Variants in ACYP2 observed in about 807,000 individuals in gnomAD.
ACYP2 encodes acylphosphatase 2, also known as acylphosphatase-2.
ACYP2 carries 12 observed loss-of-function variants against 11.2 expected under a neutral mutation model. That is an observed-to-expected ratio of 1.08 (90% CI 0.69 to 1.74). ACYP2 has a LOEUF of 1.74. Ranked by LOEUF, ACYP2 falls within the 40% of genes most tolerant of loss-of-function variation. ACYP2 has a pLI of 0.00. For missense variants in ACYP2, 134 were observed against 101.9 expected (o/e 1.31, Z -1.35); for synonymous variants, 43 against 32.2 (o/e 1.33, Z -1.13).
Position 54,279,576 on chromosome 2 carries a change from GGCAGGATCCAGAGCT to G in ACYP2, c.405-25107_405-25093del, listed in dbSNP as rs541602089. On this transcript the variant is annotated intron_variant, in intron 6 of 6. Transcript: ENST00000607452. ...CAACAGAATTCCCAGAACCCCCAGT[GGCAGGATCCAGAGCT>G]GCAGTCTCAAGAGCTGCAGTCTCTA... is the stretch of plus-strand genomic sequence containing the variant. Among the ~76,000 whole-genome samples the G allele has an allele frequency of 6.6e-5, 10 of 150,854 alleles. No individual in the cohort carries two copies. In the South Asian group the frequency reaches 1.9e-3, roughly 28 times the overall value.
chr2:53,997,145 C>G (rs1313846625), intron 2 of ACYP2, among the ~76,000 whole-genome samples: 1 of 152,178 alleles, frequency 6.6e-6, no homozygotes, highest in Non-Finnish European at 1.5e-5. Context: ...ACCATTCTCT[C>G]TTCTATCTAC....
At chr2:54,088,127 G>A (rs1678034695) in intron 4 of ACYP2, among the ~76,000 whole-genome samples, 1 of 152,208 alleles carries the variant, frequency 6.6e-6, no homozygotes, top group East Asian at 1.9e-4. Flanking sequence ...AAGGTGAGAA[G>A]AGGAGGGATT....
At chr2:54,156,034 C>G (rs1682415593) in intron 6 of ACYP2, among the ~76,000 whole-genome samples, 1 of 151,740 alleles carries the variant, frequency 6.6e-6, no homozygotes, top group Non-Finnish European at 1.5e-5. Context: ...TATTTGATAC[C>G]TTTTATATAT....
chr2:54,123,520 A>C, intron 4 of ACYP2: 1 of 398,036 alleles, frequency 2.5e-6, no homozygotes, highest in Middle Eastern at 6.3e-4. Flanking sequence ...AGTAGTTTTT[A>C]GTATATTCAC....
At chr2:54,177,732 C>T (rs1010134888) in intron 6 of ACYP2, among the ~76,000 whole-genome samples, 45 of 151,766 alleles carry the variant, frequency 3.0e-4, no homozygotes, top group African/African-American at 1.1e-3. Context: ...CACGCACCAC[C>T]ATGCCCAGAT....
intron 3 of ACYP2, among the ~76,000 whole-genome samples, chr2:54,055,041 T>C (rs1348756272): frequency 3.9e-5 from 6 of 152,166 alleles, no homozygotes; most frequent in Non-Finnish European, 8.8e-5. Context: ...TTTCTTTTTC[T>C]TTTTTTCTTT....
intron 2 of ACYP2, among the ~76,000 whole-genome samples, chr2:53,975,922 A>G (rs553955911): frequency 6.6e-6 from 1 of 152,322 alleles, no homozygotes; most frequent in Admixed American, 6.5e-5. Context: ...AACAGACTAT[A>G]ATCACTCTTC....
intron 3 of ACYP2, chr2:54,051,458 A>C: frequency 1.4e-6 from 1 of 693,952 alleles, no homozygotes; most frequent in Non-Finnish European, 2.6e-6. Flanking sequence ...CGGGTGACAA[A>C]AAAGAAGTTT....
chr2:54,283,467 C>T (rs1395372528), intron 6 of ACYP2, among the ~76,000 whole-genome samples: 1 of 152,160 alleles, frequency 6.6e-6, no homozygotes, highest in African/African-American at 2.4e-5. Flanking sequence ...TAACTCCTTT[C>T]ATCTTCACAA....
At chr2:54,302,550 C>T (rs1689765769) in intron 6 of ACYP2, among the ~76,000 whole-genome samples, 1 of 152,130 alleles carries the variant, frequency 6.6e-6, no homozygotes. Flanking sequence ...CTTGATGATC[C>T]CAGCCAATCT....
At chr2:54,093,117 A>G (rs968582296) in intron 4 of ACYP2, among the ~76,000 whole-genome samples, 1 of 152,088 alleles carries the variant, frequency 6.6e-6, no homozygotes, top group Non-Finnish European at 1.5e-5. Flanking sequence ...TGTGCCTCCT[A>G]CATGTAAGTC....
intron 6 of ACYP2, among the ~76,000 whole-genome samples, chr2:54,212,721 G>A (rs1685377527): frequency 6.6e-6 from 1 of 152,264 alleles, no homozygotes; most frequent in East Asian, 1.9e-4. Flanking sequence ...TAAAGTAGTT[G>A]TGTAATCTGC....
intron 6 of ACYP2, among the ~76,000 whole-genome samples, chr2:54,210,469 G>A (rs843767): frequency 0.49 from 74,975 of 151,922 alleles, 19,026 homozygotes; most frequent in East Asian, 0.66. Flanking sequence ...TCAAATGAGC[G>A]GTGTTATAAT....
intron 2 of ACYP2, among the ~76,000 whole-genome samples, chr2:54,001,845 CTTAATAG>C (rs1426883273): frequency 1.3e-5 from 2 of 152,190 alleles, no homozygotes; most frequent in African/African-American, 4.8e-5. Flanking sequence ...TTTCAATAGA[CTTAATAG>C]TTTAGAGCTG....
chr2:54,272,162 A>G (rs1285317259), intron 6 of ACYP2, among the ~76,000 whole-genome samples: 1 of 152,212 alleles, frequency 6.6e-6, no homozygotes, highest in East Asian at 1.9e-4. Context: ...CAATTATTAA[A>G]TATCAGTGTT....
intron 6 of ACYP2, among the ~76,000 whole-genome samples, chr2:54,229,517 T>C (rs898042180): frequency 6.6e-6 from 1 of 152,244 alleles, no homozygotes; most frequent in Non-Finnish European, 1.5e-5. Flanking sequence ...AGAGCCTTGT[T>C]TGATATCCTT....
At chr2:54,113,549 T>TA (rs1303728374) in intron 4 of ACYP2, among the ~76,000 whole-genome samples, 1 of 151,906 alleles carries the variant, frequency 6.6e-6, no homozygotes, top group Non-Finnish European at 1.5e-5. Context: ...CAGGCCAAGA[T>TA]ACTTAAAAAA....
At chr2:54,231,248 G>GT (rs1686224082) in intron 6 of ACYP2, among the ~76,000 whole-genome samples, 1 of 152,188 alleles carries the variant, frequency 6.6e-6, no homozygotes, top group South Asian at 2.1e-4. Flanking sequence ...CCTGAGAGCT[G>GT]TGTCACAGGC....
At chr2:54,008,641 A>G (rs1359654147) in intron 2 of ACYP2, among the ~76,000 whole-genome samples, 2 of 152,164 alleles carry the variant, frequency 1.3e-5, no homozygotes, top group Non-Finnish European at 2.9e-5. Context: ...ACTATAGGGC[A>G]CATTCCACCA....
Sources: allele counts gnomAD v4.1 joint callset (sites outside exome capture counted in the v4.1 genomes callset), GRCh38; gene constraint gnomAD v4.1.1; transcripts MANE v1.5; gene names NCBI Gene and HGNC (gene_info 2026-07-23, HGNC 2026-07-21).